Variants in CNTN4 observed in about 807,000 individuals in gnomAD.
CNTN4 encodes the protein contactin 4, also known as contactin-4.
Under a neutral mutation model 122.5 loss-of-function variants are expected in CNTN4, and 77 were observed. The observed-to-expected ratio is 0.63, with a 90% confidence interval of 0.52 to 0.76. The LOEUF is 0.76. Among genes scored for constraint, CNTN4 ranks in the 30% least tolerant of loss-of-function variants. The pLI, the probability that CNTN4 is intolerant of heterozygous loss-of-function variation, is 0.00. For missense variants in CNTN4, 1,256 were observed against 1,259.1 expected (o/e 1.00, Z 0.04); for synonymous variants, 512 against 447.0 (o/e 1.15, Z -1.83).
At chr3:2,883,055 A>G (rs2093930648) in intron 8 of CNTN4, 90 bp from the exon 9 acceptor site, 7 of 850,812 alleles carry the variant, frequency 8.2e-6, no homozygotes, top group South Asian at 2.9e-5. Flanking sequence ...AATGATGTGT[A>G]TAAGCATTCT....
chr3:2,785,551 C>T (rs529161731), intron 6 of CNTN4, among the ~76,000 whole-genome samples: 73 of 152,208 alleles, frequency 4.8e-4, no homozygotes, highest in Non-Finnish European at 8.8e-4. Context: ...CACTCCTTGG[C>T]CCAAATTAAC....
intron 4 of CNTN4, among the ~76,000 whole-genome samples, chr3:2,663,745 A>T (rs1002679435): frequency 7.9e-5 from 12 of 152,226 alleles, no homozygotes. Flanking sequence ...GAAACAACCC[A>T]CATGTCCATC....
intron 2 of CNTN4, among the ~76,000 whole-genome samples, chr3:2,331,105 A>C (rs56251018): frequency 0.34 from 52,201 of 152,012 alleles, 9,912 homozygotes; most frequent in East Asian, 0.81. Flanking sequence ...TTGCCAGCAC[A>C]TTGACATTTC....
chr3:2,570,548 A>G (rs1214232168), intron 3 of CNTN4, among the ~76,000 whole-genome samples: 1 of 152,048 alleles, frequency 6.6e-6, no homozygotes, highest in Non-Finnish European at 1.5e-5. Context: ...TATATTTTCA[A>G]CTTTTCTTTG....
Position 2,913,627 on chromosome 3 carries a change from C to A in CNTN4, c.1207+10622C>A, listed in dbSNP as rs79862211. ...TCACAAAGATGTAACTGTTAGAAAT[C>A]TGTATGCACCTAATATTAGAACTTC... On this transcript the variant is annotated intron_variant, in intron 12 of 24. Coordinates refer to ENST00000418658, the MANE Select transcript of CNTN4 (RefSeq NM_175607.3). 5.9e-3 allele frequency among the ~76,000 whole-genome samples: 903 copies of A among 152,282 alleles called. 5 individuals are homozygous for A. The highest frequency in any genetic ancestry group is 0.021 in the African/African-American group (868 of 41,560).
chr3:2,883,280 C>G (rs1239935565), intron 9 of CNTN4, 33 bp downstream of exon 9: 1 of 1,499,604 alleles, frequency 6.7e-7, no homozygotes, highest in South Asian at 1.1e-5. Context: ...TCTCATCCTC[C>G]CTTCAGCTTG....
At chr3:2,878,354 T>C (rs996019975) in intron 8 of CNTN4, among the ~76,000 whole-genome samples, 3 of 152,236 alleles carry the variant, frequency 2.0e-5, no homozygotes, top group African/African-American at 4.8e-5. Flanking sequence ...GAAAGAAGTA[T>C]ATGTTTGACT....
At chr3:2,472,436 G>T (rs1486498760) in intron 3 of CNTN4, among the ~76,000 whole-genome samples, 2 of 152,030 alleles carry the variant, frequency 1.3e-5, no homozygotes, top group African/African-American at 4.8e-5. Flanking sequence ...TATGGGTTTT[G>T]TCAAGTTGGC....
At chr3:2,810,191 T>C (rs1318863587) in intron 6 of CNTN4, among the ~76,000 whole-genome samples, 1 of 152,184 alleles carries the variant, frequency 6.6e-6, no homozygotes, top group Non-Finnish European at 1.5e-5. Context: ...TTCTTTCTAT[T>C]AAATGAGAAT....
intron 3 of CNTN4, among the ~76,000 whole-genome samples, chr3:2,476,397 G>T (rs991372027): frequency 1.3e-5 from 2 of 152,186 alleles, no homozygotes; most frequent in Non-Finnish European, 2.9e-5. Flanking sequence ...CTAATGTGCA[G>T]CATTCACCAC....
intron 3 of CNTN4, among the ~76,000 whole-genome samples, chr3:2,383,840 C>CAT (rs1044757782): frequency 6.6e-6 from 1 of 151,570 alleles, no homozygotes; most frequent in South Asian, 2.1e-4. Flanking sequence ...TATCTCACTC[C>CAT]ATATATATAT....
chr3:2,471,694 G>A (rs1236052264), intron 3 of CNTN4, among the ~76,000 whole-genome samples: 1 of 152,126 alleles, frequency 6.6e-6, no homozygotes, highest in Non-Finnish European at 1.5e-5. Flanking sequence ...AAAATGAGGT[G>A]ATCATGGCAT....
At chr3:2,287,408 C>G (rs1246430284) in intron 2 of CNTN4, among the ~76,000 whole-genome samples, 1 of 151,782 alleles carries the variant, frequency 6.6e-6, no homozygotes, top group Non-Finnish European at 1.5e-5. Flanking sequence ...TCCAGACCAG[C>G]CTAGGCAACT....
intron 2 of CNTN4, among the ~76,000 whole-genome samples, chr3:2,252,909 A>G (rs1425356946): frequency 6.6e-6 from 1 of 152,138 alleles, no homozygotes; most frequent in Non-Finnish European, 1.5e-5. Context: ...GTTATTAAAT[A>G]AGTTCTTAGT....
chr3:2,490,717 A>G (rs911801364), intron 3 of CNTN4, among the ~76,000 whole-genome samples: 1 of 152,162 alleles, frequency 6.6e-6, no homozygotes, highest in South Asian at 2.1e-4. Context: ...AATTTATCTT[A>G]TAGGAAAAAT....
At chr3:2,623,402 T>C (rs934620570) in intron 4 of CNTN4, among the ~76,000 whole-genome samples, 13 of 152,178 alleles carry the variant, frequency 8.5e-5, no homozygotes, top group Non-Finnish European at 1.6e-4. Flanking sequence ...TGGTAGGCGA[T>C]TAATCCTTAT....
At chr3:2,690,669 T>C (rs533144949) in intron 4 of CNTN4, among the ~76,000 whole-genome samples, 7 of 152,258 alleles carry the variant, frequency 4.6e-5, no homozygotes, top group African/African-American at 1.7e-4. Context: ...CTATAGCCTA[T>C]GGGGGCAAAT....
intron 3 of CNTN4, among the ~76,000 whole-genome samples, chr3:2,474,755 C>T (rs908884201): frequency 3.3e-5 from 5 of 152,142 alleles, no homozygotes; most frequent in Non-Finnish European, 5.9e-5. Context: ...TATGTTGCCT[C>T]CAACCCTTGA....
intron 4 of CNTN4, among the ~76,000 whole-genome samples, chr3:2,624,011 C>G (rs1330491499): frequency 6.6e-6 from 1 of 152,174 alleles, no homozygotes. Context: ...GTGGCTTTAC[C>G]ACTACCAGAA....
Sources: gnomAD v4.1 joint callset for allele counts (sites outside exome capture counted in the v4.1 genomes callset) on GRCh38, gnomAD v4.1.1 for gene constraint, MANE v1.5 for transcripts, NCBI Gene and HGNC (gene_info 2026-07-23, HGNC 2026-07-21) for gene names.